Variants in AOPEP observed in about 807,000 individuals in gnomAD.
AOPEP encodes aminopeptidase O (putative).
Under a neutral mutation model 98.1 loss-of-function variants are expected in AOPEP, and 77 were observed. The ratio of observed to expected loss-of-function variants is 0.78; its 90% CI spans 0.65 to 0.95. The LOEUF (loss-of-function observed/expected upper bound fraction) is 0.95, where lower values mean the gene tolerates loss of function less well. AOPEP is among the 40% of genes least tolerant of loss of function. AOPEP has a pLI of 0.00. For missense variants in AOPEP, 1,024 were observed against 1,024.7 expected (o/e 1.00, Z 0.01); for synonymous variants, 346 against 365.3 (o/e 0.95, Z 0.60).
chr9:95,083,766 C>T (rs528711205), intron 16 of AOPEP, among the ~76,000 whole-genome samples: 3 of 152,366 alleles, frequency 2.0e-5, no homozygotes, highest in Non-Finnish European at 2.9e-5. Context: ...ACACAGCACA[C>T]GTGGCATATG....
At chr9:94,829,709 G>A (rs1478891750) in intron 5 of AOPEP, among the ~76,000 whole-genome samples, 1 of 151,250 alleles carries the variant, frequency 6.6e-6, no homozygotes, top group South Asian at 2.1e-4. Context: ...CTGGCCACAT[G>A]TCAGATATGT....
chr9:94,887,874 A>G (rs2048415823), intron 5 of AOPEP, among the ~76,000 whole-genome samples: 1 of 152,208 alleles, frequency 6.6e-6, no homozygotes, highest in Admixed American at 6.6e-5. Flanking sequence ...TAAGTGAAAC[A>G]AGCCTCTACA....
At chr9:95,103,283 C>T in the AOPEP span, among the ~76,000 whole-genome samples, 1 of 152,176 alleles carries the variant, frequency 6.6e-6, no homozygotes, top group Non-Finnish European at 1.5e-5. Context: ...TCCCAGCTCT[C>T]TAGTCACATG....
chr9:94,990,661 G>T lies in AOPEP; in HGVS notation c.1977+11234G>T, dbSNP rs2132347066. Among the ~76,000 whole-genome samples the T allele has an allele frequency of 2.6e-5, 4 of 151,986 alleles. 1 individual carries two copies. The Middle Eastern group carries it at 0.01, about 388-fold the overall frequency. On this transcript the variant is annotated intron_variant, in intron 11 of 16. Transcript: ENST00000375315. ...TTAATTTCTGAGGTGGAGTTTCACT[G>T]TCGCCCAGGCTGGAGTGCACTGGCG...
intron 5 of AOPEP, among the ~76,000 whole-genome samples, chr9:94,813,647 A>G (rs1851102971): frequency 6.6e-6 from 1 of 152,184 alleles, no homozygotes; most frequent in Admixed American, 6.5e-5. Context: ...GGAGTTTCTC[A>G]TGCAGGGTAA....
chr9:94,900,615 C>T (rs1373736743), intron 5 of AOPEP, among the ~76,000 whole-genome samples: 1 of 152,116 alleles, frequency 6.6e-6, no homozygotes, highest in Non-Finnish European at 1.5e-5. Flanking sequence ...TCATCGTGCT[C>T]GAGTAGAAGA....
At position 94,982,564 on chromosome 9, in the gene AOPEP, A is replaced by AATTTTTTT. The variant is rs1564480333; in HGVS notation, c.1977+3137_1977+3138insATTTTTTT. ...TCCCTTAATATAATTCAAGAGCAATACTTTTTTTTTTTTTTTTTTTTGGAG... is the reference window on the plus strand; with the variant it reads ...TCCCTTAATATAATTCAAGAGCAATAATTTTTTTCTTTTTTTTTTTTTTTTTTTTGGAG... On this transcript the variant is annotated intron_variant, in intron 11 of 16. Transcript: ENST00000375315. Among the ~76,000 whole-genome samples the AATTTTTTT allele has an allele frequency of 1.2e-3, 165 of 140,082 alleles. 1 individual carries two copies. Among genetic ancestry groups the AATTTTTTT allele is most frequent in the African/African-American group, 4.5e-3 (157 of 34,856 alleles). 91.9% of individuals were successfully genotyped at this position (140,082 alleles called of 152,430 possible).
the AOPEP span, chr9:95,107,165 G>A: frequency 6.2e-7 from 1 of 1,614,204 alleles, no homozygotes; most frequent in South Asian, 1.1e-5. Context: ...GAGCTCTGAG[G>A]TCTGTGTCTG....
intron 13 of AOPEP, among the ~76,000 whole-genome samples, chr9:95,012,712 T>C (rs936851212): frequency 2.0e-5 from 3 of 151,992 alleles, no homozygotes; most frequent in South Asian, 4.2e-4. Context: ...TCTGGAAATA[T>C]ATGTTCAGGG....
At position 94,800,891 on chromosome 9, in the gene AOPEP, G is replaced by A. The variant is rs199672741; in HGVS notation, c.1253G>A (p.Arg418Gln). Residue 418 changes from arginine to glutamine, a missense_variant, in exon 5 of 17, where the codon CGG (arginine) becomes CAG (glutamine). Around this residue, in one of 3 missense-constraint regions of AOPEP, gnomAD observed 566 missense variants for 551.7 expected, o/e 1.03. Transcript: ENST00000375315. ...GGTGCCTGCCAAGAGACCCTTCTGC[G>A]GCTGATCCCTCCTTGCCTCTCAGCA... ...LTGACQETLLRLIPPCLSAAH... is the reference protein window; with the variant it reads ...LTGACQETLLQLIPPCLSAAH... The A allele has an allele frequency of 1.7e-5, 28 of 1,613,892 alleles. No homozygotes were observed. Among genetic ancestry groups the A allele is most frequent in the African/African-American group, 2.7e-5 (2 of 74,884 alleles).
chr9:94,936,686 G>C (rs1251512954), intron 7 of AOPEP, among the ~76,000 whole-genome samples: 5 of 152,128 alleles, frequency 3.3e-5, no homozygotes, highest in African/African-American at 1.2e-4. Flanking sequence ...CAGAGCATCA[G>C]ATCCCACAGG....
intron 13 of AOPEP, among the ~76,000 whole-genome samples, chr9:95,039,512 A>G (rs1471007410): frequency 6.6e-6 from 1 of 152,184 alleles, no homozygotes; most frequent in African/African-American, 2.4e-5. Flanking sequence ...GGTCCAGGCT[A>G]TAGTAAGCTG....
At chr9:94,934,334 T>TTTTTTTTTTTTTG (rs1156808051) in intron 7 of AOPEP, among the ~76,000 whole-genome samples, 8 of 147,934 alleles carry the variant, frequency 5.4e-5, no homozygotes, top group South Asian at 4.4e-4. Flanking sequence ...TTTTTTTTTT[T>TTTTTTTTTTTTTG]GAGACAGAGT....
At chr9:94,941,995 G>GT (rs2057060257) in intron 7 of AOPEP, among the ~76,000 whole-genome samples, 1 of 152,102 alleles carries the variant, frequency 6.6e-6, no homozygotes. Flanking sequence ...TACTGCTACT[G>GT]TTTTCTTGTG....
At chr9:94,996,053 G>A (rs1019231363) in intron 11 of AOPEP, among the ~76,000 whole-genome samples, 5 of 152,182 alleles carry the variant, frequency 3.3e-5, no homozygotes, top group Non-Finnish European at 7.3e-5. Context: ...ACAGGGAGGG[G>A]AGGACAGGTC....
the AOPEP span, among the ~76,000 whole-genome samples, chr9:95,144,906 T>C: frequency 6.6e-6 from 1 of 152,132 alleles, no homozygotes; most frequent in African/African-American, 2.4e-5. Flanking sequence ...GGACCAAACA[T>C]AACGCTCGGA....
chr9:95,018,732 A>G (rs1234822304), intron 13 of AOPEP, among the ~76,000 whole-genome samples: 1 of 152,248 alleles, frequency 6.6e-6, no homozygotes, highest in African/African-American at 2.4e-5. Flanking sequence ...TCTTGGCTGC[A>G]GCACACAGGC....
Position 94,966,904 on chromosome 9 carries a change from G to A in AOPEP, c.1873-854G>A, listed in dbSNP as rs956631066. 2.6e-5 allele frequency among the ~76,000 whole-genome samples: 4 copies of A among 152,184 alleles called. No homozygotes were observed. The East Asian group carries it at 7.7e-4, about 29-fold the overall frequency. ...TAAATATAAACGAACATTCATATTCGAATTTTTTAGGTCTTTATGCTTTTG... is the reference window on the plus strand; with the variant it reads ...TAAATATAAACGAACATTCATATTCAAATTTTTTAGGTCTTTATGCTTTTG... On this transcript the variant is annotated intron_variant, in intron 9 of 16. Transcript: ENST00000375315.
intron 2 of AOPEP, among the ~76,000 whole-genome samples, chr9:94,768,217 A>G (rs372340683): frequency 6.6e-6 from 1 of 152,118 alleles, no homozygotes; most frequent in South Asian, 2.1e-4. Context: ...CAAGCCACAC[A>G]TGGGGCCACT....
Sources: allele counts gnomAD v4.1 joint callset (sites outside exome capture counted in the v4.1 genomes callset), GRCh38; gene constraint gnomAD v4.1.1; regional missense constraint gnomAD v4.1.1; transcripts MANE v1.5; gene names NCBI Gene and HGNC (gene_info 2026-07-23, HGNC 2026-07-21).